PVR: variants seen among roughly 807,000 people sequenced by gnomAD.
The protein encoded by PVR is PVR cell adhesion molecule.
PVR carries 39 observed loss-of-function variants against 43.3 expected under a neutral mutation model. That is an observed-to-expected ratio of 0.90 (90% CI 0.70 to 1.18). PVR has a LOEUF of 1.18. Among genes scored for constraint, PVR ranks in the 50% most tolerant of loss-of-function variants. The pLI is 0.00. For missense variants in PVR, 480 were observed against 549.7 expected (o/e 0.87, Z 1.27); for synonymous variants, 224 against 233.2 (o/e 0.96, Z 0.36).
In PVR at chr19:44,653,930, A is replaced by G. The variant is rs1973356453; in HGVS notation, c.755A>G (p.Asp252Gly). The G allele has an allele frequency of 1.2e-6, 2 of 1,614,040 alleles. No homozygotes were observed. Among genetic ancestry groups the G allele is most frequent in the East Asian group, 2.2e-5 (1 of 44,882 alleles). Residue 252 changes from aspartate (D) to glycine (G), a missense_variant, in exon 4 of 8, where the codon GAT (aspartate) becomes GGT (glycine). Asp to Gly is a moderately conservative substitution (Grantham distance 94). Coordinates refer to ENST00000425690, the MANE Select transcript of PVR (RefSeq NM_006505.5). The stretch of plus-strand genomic sequence containing the variant: ...CCAGAGGTATCCATCTCTGGCTATG[A>G]TAACAACTGGTACCTTGGCCAGAAT... ...YPPEVSISGY[D>G]NNWYLGQNEA...
Position 44,661,918 on chromosome 19 carries a change from T to TC in PVR, c.*110dup. 9.5e-7 allele frequency: 1 copy of TC among 1,052,850 alleles called. No individual in the cohort carries two copies. Among genetic ancestry groups the TC allele is most frequent in the Non-Finnish European group, 1.4e-6 (1 of 702,306 alleles). The allele number at this position is 1,052,850 out of a possible 1,614,324, so 65.2% of individuals were successfully genotyped here. ...AAGACCCCCTCCAAAGAGACCAGCCTCCCTCCCTGTGCCAGACCTCAAAAC... is the reference window on the plus strand; with the variant it reads ...AAGACCCCCTCCAAAGAGACCAGCCTCCCCTCCCTGTGCCAGACCTCAAAAC... On this transcript the variant is annotated 3_prime_UTR_variant, in exon 8 of 8. Coordinates refer to ENST00000425690, the MANE Select transcript of PVR (RefSeq NM_006505.5).
chr19:44,661,882 C>T lies in PVR; in HGVS notation c.*71C>T. 2.8e-6 allele frequency: 4 copies of T among 1,413,822 alleles called. No homozygotes were observed. The highest frequency in any genetic ancestry group is 4.0e-6 in the Non-Finnish European group (4 of 1,005,054). The allele number at this position is 1,413,822 out of a possible 1,614,324, so 87.6% of individuals were successfully genotyped here. On this transcript the variant is annotated 3_prime_UTR_variant, in exon 8 of 8. Coordinates refer to ENST00000425690, the MANE Select transcript of PVR (RefSeq NM_006505.5). ...GTGGGCCTCCAGAGTTGGACCCGAC[C>T]CCAATGGATGAAGACCCCCTCCAAA... is the stretch of plus-strand genomic sequence containing the variant.
intron 1 of PVR, among the ~76,000 whole-genome samples, chr19:44,645,307 A>G (rs1973077114): frequency 8.6e-6 from 1 of 116,376 alleles, no homozygotes; most frequent in Non-Finnish European, 1.6e-5. Flanking sequence ...TATTAAATAT[A>G]TTATATATTT....
intron 2 of PVR, 45 bp from the exon 3 acceptor site, chr19:44,649,764 G>T (rs772415503): frequency 6.3e-7 from 1 of 1,596,340 alleles, no homozygotes; most frequent in South Asian, 1.1e-5. Flanking sequence ...CTTCTGCCAC[G>T]GAGGGGTTCA....
chr19:44,658,077 C>T lies in PVR; in HGVS notation c.991+167C>T, dbSNP rs774721133. Among the ~76,000 whole-genome samples, 6 of 152,300 alleles carry T rather than the reference C, an allele frequency of 3.9e-5. No homozygotes were observed. In the South Asian group the frequency reaches 8.3e-4, roughly 21 times the overall value. ...AACTCCATACCTATATCACTGGTACCGTTGTTCAGCTGCCTGGATACACTC... is the reference window on the plus strand; with the variant it reads ...AACTCCATACCTATATCACTGGTACTGTTGTTCAGCTGCCTGGATACACTC... On this transcript the variant is annotated intron_variant, in intron 5 of 7. Coordinates refer to ENST00000425690, the MANE Select transcript of PVR (RefSeq NM_006505.5).
At chr19:44,645,163 TA>T (rs1465472567) in intron 1 of PVR, among the ~76,000 whole-genome samples, 2 of 70,654 alleles carry the variant, frequency 2.8e-5, no homozygotes, top group Non-Finnish European at 5.3e-5. Flanking sequence ...ATATAATATG[TA>T]TATTATATAT....
intron 6 of PVR, among the ~76,000 whole-genome samples, chr19:44,661,033 CCCAT>C (rs1228358072): frequency 6.6e-6 from 1 of 152,168 alleles, no homozygotes; most frequent in East Asian, 1.9e-4. Context: ...GGAATTTGAA[CCCAT>C]CCATCTGGTT....
Position 44,647,317 on chromosome 19 carries a change from G to A in PVR, c.174G>A (p.Val58=). 1 of 1,609,434 alleles carries A rather than the reference G, an allele frequency of 6.2e-7. No individual in the cohort carries two copies. Among genetic ancestry groups the A allele is most frequent in the Non-Finnish European group, 8.5e-7 (1 of 1,178,044 alleles). ...PCYLQVPNME[V]THVSQLTWAR... is the part of the protein sequence containing the mutation. ...ACCTACAGGTGCCCAACATGGAGGT[G>A]ACGCATGTGTCACAGCTGACTTGGG... is the stretch of plus-strand genomic sequence containing the variant. Residue 58 remains valine (V), a synonymous_variant, in exon 2 of 8, where the codon GTG becomes GTA. Transcript: ENST00000425690.
At chr19:44,657,948 G>A (rs773466069) in intron 5 of PVR, 38 bp downstream of exon 5, 4 of 1,604,612 alleles carry the variant, frequency 2.5e-6, no homozygotes, top group Non-Finnish European at 3.4e-6. Context: ...AGGGACCAAA[G>A]GAAGAGGTCG....
Position 44,649,947 on chromosome 19 carries a change from C to A in PVR, c.566C>A (p.Thr189Lys). 1 of 1,610,048 alleles carries A rather than the reference C, an allele frequency of 6.2e-7. No homozygotes were observed. The highest frequency in any genetic ancestry group is 8.5e-7 in the Non-Finnish European group (1 of 1,177,368). Residue 189 changes from threonine (T) to lysine (K), a missense_variant, in exon 3 of 8, where the codon ACG becomes AAG. Transcript: ENST00000425690. ...TCAGACCTGGGCGGGATGCCCAATA[C>A]GAGCCAGGTGCCAGGGTTCCTGTCT... ...WHSDLGGMPN[T>K]SQVPGFLSGT...
intron 3 of PVR, 69 bp downstream of exon 3, chr19:44,650,174 T>TC (rs1973241012): frequency 7.1e-7 from 1 of 1,410,826 alleles, no homozygotes; most frequent in African/African-American, 1.4e-5. Context: ...CTACACTGAC[T>TC]CCCCAAGGCA....
chr19:44,654,561 A>G lies in PVR; in HGVS notation c.842+544A>G, dbSNP rs370567192. Among the ~76,000 whole-genome samples, 40 of 152,242 alleles carry G rather than the reference A, an allele frequency of 2.6e-4. No individual in the cohort carries two copies. In the South Asian group the frequency reaches 2.7e-3, roughly 10 times the overall value. ...CTTCCCCCGAATCCCATGTGACCCCATGCTGTGCACAGTCAGCAGCTGTTG... is the reference window on the plus strand; with the variant it reads ...CTTCCCCCGAATCCCATGTGACCCCGTGCTGTGCACAGTCAGCAGCTGTTG... On this transcript the variant is annotated intron_variant, in intron 4 of 7. Coordinates refer to ENST00000425690, the MANE Select transcript of PVR (RefSeq NM_006505.5).
chr19:44,658,921 C>T (rs35385129), intron 6 of PVR, 21 bp downstream of exon 6: 5 of 1,610,486 alleles, frequency 3.1e-6, no homozygotes, highest in African/African-American at 1.3e-5. Context: ...CCAGAGCTGC[C>T]GTAATTGAGC....
chr19:44,659,002 G>T (rs1973528962), intron 6 of PVR, 102 bp downstream of exon 6: 1 of 1,167,854 alleles, frequency 8.6e-7, no homozygotes, highest in Non-Finnish European at 1.2e-6. Flanking sequence ...CTGCCATGAG[G>T]TTTCCCCCAT....
intron 4 of PVR, 139 bp downstream of exon 4, chr19:44,654,156 G>T: frequency 1.6e-6 from 1 of 642,780 alleles, no homozygotes; most frequent in East Asian, 2.8e-5. Context: ...GGGACGAGAG[G>T]CTGGGAGCCC....
rs1973597837 is a variant in PVR, at chr19:44,661,763, C to T, written c.1206C>T (p.Ser402=). ...ANGHVSYSAV[S]RENSSSQDPQ... ...AGCATGTCTCCTATTCAGCTGTGAG[C>T]AGAGAGAACAGCTCTTCCCAGGATC... Residue 402 remains serine (S), a synonymous_variant, in exon 8 of 8, where the codon AGC becomes AGT. Transcript: ENST00000425690. 1 of 1,614,030 alleles carries T rather than the reference C, an allele frequency of 6.2e-7. No individual in the cohort carries two copies. Among genetic ancestry groups the T allele is most frequent in the Non-Finnish European group, 8.5e-7 (1 of 1,179,948 alleles).
chr19:44,657,900 C>T lies in PVR; in HGVS notation c.981C>T (p.Val327=). Residue 327 remains valine (V), a synonymous_variant, in exon 5 of 8, where the codon GTC becomes GTT. Transcript: ENST00000425690. ...GAGCTCGCCAGGCAGAACTGACCGT[C>T]CAGGTCAAAGGTGAGGAACTCCCTG... ...ALGARQAELT[V]QVKEGPPSEH... The T allele has an allele frequency of 6.2e-7, 1 of 1,613,602 alleles. No individual in the cohort carries two copies. The highest frequency in any genetic ancestry group is 8.5e-7 in the Non-Finnish European group (1 of 1,179,778).
In PVR at chr19:44,661,878, C is replaced by T. The variant is rs1045115744; in HGVS notation, c.*67C>T. 8 of 1,443,746 alleles carry T rather than the reference C, an allele frequency of 5.5e-6. No homozygotes were observed. The highest frequency in any genetic ancestry group is 1.7e-5 in the Admixed American group (1 of 59,222). The allele number at this position is 1,443,746 out of a possible 1,614,324, so 89.4% of individuals were successfully genotyped here. On this transcript the variant is annotated 3_prime_UTR_variant, in exon 8 of 8. Transcript: ENST00000425690. The stretch of plus-strand genomic sequence containing the variant: ...GGACGTGGGCCTCCAGAGTTGGACC[C>T]GACCCCAATGGATGAAGACCCCCTC...
chr19:44,660,377 A>G (rs1973561322), intron 6 of PVR, among the ~76,000 whole-genome samples: 1 of 152,212 alleles, frequency 6.6e-6, no homozygotes, highest in Non-Finnish European at 1.5e-5. Flanking sequence ...GATGGTACCT[A>G]ATAATACAGT....
Sources: allele counts gnomAD v4.1 joint callset (sites outside exome capture counted in the v4.1 genomes callset), GRCh38; gene constraint gnomAD v4.1.1; transcripts MANE v1.5; gene names NCBI Gene and HGNC (gene_info 2026-07-23, HGNC 2026-07-21).